PLCH1: variants seen among roughly 807,000 people sequenced by gnomAD.
The protein encoded by PLCH1 is 1-phosphatidylinositol 4,5-bisphosphate phosphodiesterase eta-1.
PLCH1 carries 60 observed loss-of-function variants against 126.7 expected under a neutral mutation model. The ratio of observed to expected loss-of-function variants is 0.47; its 90% CI spans 0.38 to 0.59. PLCH1 has a LOEUF of 0.59. Ranked by LOEUF, PLCH1 falls within the 20% of genes least tolerant of loss-of-function variation. The pLI, the probability that PLCH1 is intolerant of heterozygous loss-of-function variation, is 0.00. For missense variants in PLCH1, 1,723 were observed against 2,040.0 expected, an observed-to-expected ratio of 0.84 and a Z score of 2.99; for synonymous variants, 719 against 734.9, an observed-to-expected ratio of 0.98 and a Z score of 0.35.
intron 2 of PLCH1, among the ~76,000 whole-genome samples, chr3:155,616,869 A>T (rs1337237023): frequency 6.6e-6 from 1 of 152,194 alleles, no homozygotes; most frequent in African/African-American, 2.4e-5. Context: ...AACCTTTGAT[A>T]TGTGACAAAC....
At chr3:155,476,339 T>G (rs748742324), downstream of PLCH1, among the ~76,000 whole-genome samples, 7 of 152,138 alleles carry the variant, frequency 4.6e-5, no homozygotes, top group South Asian at 8.3e-4. Flanking sequence ...TAGTATCATA[T>G]TGAATGGGGG....
intron 2 of PLCH1, among the ~76,000 whole-genome samples, chr3:155,628,033 C>T (rs1456653282): frequency 6.6e-6 from 1 of 152,048 alleles, no homozygotes; most frequent in Non-Finnish European, 1.5e-5. Context: ...TCCCAAAATG[C>T]TGGGATTACA....
intron 1 of PLCH1, among the ~76,000 whole-genome samples, chr3:155,718,039 T>C (rs190835365): frequency 6.6e-6 from 1 of 152,304 alleles, no homozygotes; most frequent in East Asian, 1.9e-4. Context: ...GGTCACAACT[T>C]GAACAATACT....
At chr3:155,691,046 A>G (rs10936014) in intron 2 of PLCH1, among the ~76,000 whole-genome samples, 59,682 of 152,000 alleles carry the variant, frequency 0.39, 13,818 homozygotes, top group Non-Finnish European at 0.52. Context: ...CCTTTGAAGA[A>G]AGGGTGTTAC....
At chr3:155,583,449 T>C (rs778949574) in intron 6 of PLCH1, 23 bp downstream of exon 6, 4 of 1,548,624 alleles carry the variant, frequency 2.6e-6, no homozygotes. Context: ...AAGTAAACTT[T>C]CATTTTAACA....
chr3:155,553,934 C>T, intron 9 of PLCH1, 142 bp downstream of exon 9: 2 of 614,194 alleles, frequency 3.3e-6, no homozygotes, highest in Non-Finnish European at 5.4e-6. Context: ...CAATGTTTTG[C>T]TGAGAAGGAG....
chr3:155,586,383 A>G (rs535456823), intron 4 of PLCH1, among the ~76,000 whole-genome samples, 189 bp from the exon 5 acceptor site: 1 of 152,282 alleles, frequency 6.6e-6, no homozygotes, highest in African/African-American at 2.4e-5. Flanking sequence ...ACAACAAACC[A>G]GGAATGGAAG....
intron 1 of PLCH1, among the ~76,000 whole-genome samples, chr3:155,706,902 C>T (rs1382270534): frequency 6.6e-6 from 1 of 152,132 alleles, no homozygotes; most frequent in Non-Finnish European, 1.5e-5. Context: ...CCTCACCCAA[C>T]AGCCAGCATC....
chr3:155,739,513 T>C (rs1359019538), intron 1 of PLCH1, among the ~76,000 whole-genome samples: 2 of 152,034 alleles, frequency 1.3e-5, no homozygotes, highest in Non-Finnish European at 2.9e-5. Flanking sequence ...GAACCAGACC[T>C]GAATTTACAA....
chr3:155,673,196 A>G (rs893100334), intron 2 of PLCH1, among the ~76,000 whole-genome samples: 13 of 151,668 alleles, frequency 8.6e-5, no homozygotes, highest in African/African-American at 3.2e-4. Flanking sequence ...TCATATTTCA[A>G]GGCTCAGTTC....
intron 4 of PLCH1, among the ~76,000 whole-genome samples, 173 bp downstream of exon 4, chr3:155,593,768 G>A (rs75899099): frequency 1.3e-3 from 193 of 152,256 alleles, no homozygotes; most frequent in African/African-American, 4.3e-3. Flanking sequence ...CATTTCATGC[G>A]TTCATTTATT....
At chr3:155,626,127 C>G (rs1321494506) in intron 2 of PLCH1, among the ~76,000 whole-genome samples, 1 of 151,814 alleles carries the variant, frequency 6.6e-6, no homozygotes, top group East Asian at 1.9e-4. Flanking sequence ...AACACAGGAA[C>G]AGAAAACCAA....
intron 2 of PLCH1, among the ~76,000 whole-genome samples, chr3:155,614,252 C>T (rs1489650069): frequency 6.6e-6 from 1 of 151,978 alleles, no homozygotes; most frequent in African/African-American, 2.4e-5. Context: ...AACGCAATGC[C>T]CATCAAAATA....
chr3:155,508,499 G>T (rs1718970875), intron 12 of PLCH1, among the ~76,000 whole-genome samples: 1 of 106,040 alleles, frequency 9.4e-6, no homozygotes, highest in Non-Finnish European at 1.8e-5. Context: ...GTTTGTCATA[G>T]ATAGCTCTTA....
intron 1 of PLCH1, among the ~76,000 whole-genome samples, chr3:155,724,531 GTTTGT>G (rs1445551222): frequency 1.3e-5 from 2 of 152,086 alleles, no homozygotes; most frequent in African/African-American, 2.4e-5. Flanking sequence ...TTGCTTTAAA[GTTTGT>G]TTTATCTGAT....
chr3:155,607,163 A>T (rs1734471897), intron 2 of PLCH1, among the ~76,000 whole-genome samples: 1 of 152,268 alleles, frequency 6.6e-6, no homozygotes, highest in East Asian at 1.9e-4. Flanking sequence ...CCAGCTGACC[A>T]CTGTTTAGGG....
At chr3:155,533,729 G>GA (rs1015609967) in intron 10 of PLCH1, among the ~76,000 whole-genome samples, 1 of 152,192 alleles carries the variant, frequency 6.6e-6, no homozygotes, top group African/African-American at 2.4e-5. Context: ...GGCCTAGGTA[G>GA]AAAAAATGCT....
intron 6 of PLCH1, among the ~76,000 whole-genome samples, chr3:155,582,075 C>CTTTTTTTTT (rs869254665): frequency 3.6e-3 from 232 of 64,100 alleles, no homozygotes; most frequent in East Asian, 5.2e-3. Context: ...TCTTTTCTTT[C>CTTTTTTTTT]TTTTTTTTTT....
In PLCH1 at chr3:155,497,410, G is replaced by A. The variant is rs1384890294; in HGVS notation, c.1804C>T (p.Arg602Cys). 16 of 1,612,278 alleles carry A rather than the reference G, an allele frequency of 9.9e-6. No homozygotes were observed. The highest frequency in any genetic ancestry group is 4.0e-5 in the African/African-American group (3 of 74,850). ...CAGAGCTTCATGGTTTTCCTTCGGC[G>A]ACCCAATCTGTGAAGTACCCACAGA... The part of the protein sequence containing the change: ...KEGGQLYRLG[R>C]RRKTMKLCRE... The change falls in exon 15 of 23, where the codon CGC becomes TGC. Residue 602 changes from arginine to cysteine, a missense_variant. Transcript: ENST00000460012.
Sources: allele counts gnomAD v4.1 joint callset (sites outside exome capture counted in the v4.1 genomes callset), GRCh38; gene constraint gnomAD v4.1.1; transcripts MANE v1.5; gene names NCBI Gene and HGNC (gene_info 2026-07-23, HGNC 2026-07-21).